SLC25A21: variants seen among roughly 807,000 people sequenced by gnomAD.
SLC25A21 encodes solute carrier family 25 member 21, also known as mitochondrial 2-oxodicarboxylate carrier.
SLC25A21 carries 47 observed loss-of-function variants against 43.8 expected under a neutral mutation model. The ratio of observed to expected loss-of-function variants is 1.07; its 90% confidence interval spans 0.85 to 1.37. The LOEUF (loss-of-function observed/expected upper bound fraction) is 1.37, where lower values mean the gene tolerates loss of function less well. Ranked by LOEUF, SLC25A21 falls within the 40% of genes most tolerant of loss-of-function variation. The pLI is 0.00. For synonymous variants in SLC25A21, 131 were observed against 121.3 expected (o/e 1.08, Z -0.52); for missense variants, 352 against 350.2 (o/e 1.00, Z -0.04).
At chr14:36,806,510 T>TA (rs79939586) in intron 3 of SLC25A21, among the ~76,000 whole-genome samples, 25,168 of 152,124 alleles carry the variant, frequency 0.17, 2,680 homozygotes, top group East Asian at 0.3. Context: ...TATGTCAATT[T>TA]AAAAAATCAA....
chr14:36,839,790 A>G (rs1479058355), intron 2 of SLC25A21, among the ~76,000 whole-genome samples: 2 of 152,350 alleles, frequency 1.3e-5, no homozygotes, highest in East Asian at 3.9e-4. Flanking sequence ...TGCTATAGGG[A>G]ATAGCCTATG....
chr14:36,764,074 A>AAGAGAGAGAGAGAGAGAGAG, intron 3 of SLC25A21, among the ~76,000 whole-genome samples: 1 of 52,296 alleles, frequency 1.9e-5, no homozygotes, highest in Admixed American at 2.8e-4. Context: ...GAAAGAAAGA[A>AAGAGAGAGAGAGAGAGAGAG]AGAAAGAAGG....
At chr14:36,770,320 A>AT (rs1886571226) in intron 3 of SLC25A21, among the ~76,000 whole-genome samples, 1 of 152,210 alleles carries the variant, frequency 6.6e-6, no homozygotes, top group African/African-American at 2.4e-5. Context: ...CTAAATATTT[A>AT]GTACTCATGG....
At chr14:36,841,742 AAC>A (rs1012736529) in intron 2 of SLC25A21, among the ~76,000 whole-genome samples, 3 of 152,226 alleles carry the variant, frequency 2.0e-5, no homozygotes, top group Non-Finnish European at 4.4e-5. Flanking sequence ...ATCAAGGCCA[AAC>A]ACGTGCCGTG....
rs1426984022 is a variant in SLC25A21 at position 36,729,681 on chromosome 14, A to G, written c.271-115T>C. 7 of 822,072 alleles carry G rather than the reference A, an allele frequency of 8.5e-6. No homozygotes were observed. In the East Asian group the frequency reaches 1.4e-4, roughly 16 times the overall value. 50.9% of individuals were successfully genotyped at this position (822,072 alleles called of 1,614,324 possible). On this transcript the variant is annotated intron_variant, in intron 4 of 9. Coordinates refer to ENST00000331299, the MANE Select transcript of SLC25A21 (RefSeq NM_030631.4). Reference sequence around the variant, plus strand: ...GTTAACCAGCATTTCAAAAAATGATAAACTATCTAATACAGTTTTTAATCC... The same window carrying G: ...GTTAACCAGCATTTCAAAAAATGATGAACTATCTAATACAGTTTTTAATCC...
chr14:36,971,817 A>G (rs1242756228), intron 1 of SLC25A21, among the ~76,000 whole-genome samples: 1 of 152,162 alleles, frequency 6.6e-6, no homozygotes, highest in Non-Finnish European at 1.5e-5. Flanking sequence ...CTTCTGAGAG[A>G]TTATTTCCTA....
intron 9 of SLC25A21, 150 bp from the exon 10 acceptor site, chr14:36,680,869 A>AAAC (rs1185534575): frequency 2.0e-6 from 1 of 501,602 alleles, no homozygotes; most frequent in African/African-American, 2.0e-5. Flanking sequence ...ACCAAGATAT[A>AAAC]AACTACTGTG....
chr14:36,780,739 A>G (rs1443165686), intron 3 of SLC25A21, among the ~76,000 whole-genome samples: 2 of 152,020 alleles, frequency 1.3e-5, no homozygotes, highest in African/African-American at 4.8e-5. Flanking sequence ...GTTTTGTGGC[A>G]TAATATATAA....
At chr14:37,130,641 C>T (rs1963376832) in intron 1 of SLC25A21, among the ~76,000 whole-genome samples, 3 of 152,210 alleles carry the variant, frequency 2.0e-5, no homozygotes, top group African/African-American at 7.2e-5. Context: ...TTGCAGCAGC[C>T]TGTGTGCAGT....
chr14:36,755,530 C>T (rs539183883), intron 3 of SLC25A21, among the ~76,000 whole-genome samples: 10 of 152,140 alleles, frequency 6.6e-5, no homozygotes, highest in South Asian at 2.1e-4. Context: ...TGTGCTATGG[C>T]GACAAAGTTC....
At chr14:36,734,615 G>C (rs375002091) in intron 3 of SLC25A21, 42 bp from the exon 4 acceptor site, 2 of 1,445,394 alleles carry the variant, frequency 1.4e-6, no homozygotes, top group African/African-American at 2.8e-5. Context: ...AAGGAAATTA[G>C]GCAACAAGTA....
At chr14:36,779,640 A>ATATATATG (rs1886979324) in intron 3 of SLC25A21, among the ~76,000 whole-genome samples, 1 of 136,954 alleles carries the variant, frequency 7.3e-6, no homozygotes, top group Non-Finnish European at 1.6e-5. Context: ...ATATATATAT[A>ATATATATG]TATGTATACA....
chr14:36,693,021 T>C (rs1218440384), intron 7 of SLC25A21, among the ~76,000 whole-genome samples: 1 of 152,196 alleles, frequency 6.6e-6, no homozygotes, highest in Non-Finnish European at 1.5e-5. Context: ...CACATCACTA[T>C]CACAATAGGT....
At chr14:36,763,049 T>C (rs1035110983) in intron 3 of SLC25A21, among the ~76,000 whole-genome samples, 3 of 152,212 alleles carry the variant, frequency 2.0e-5, no homozygotes, top group Admixed American at 6.5e-5. Flanking sequence ...TAGTTTAAAA[T>C]GCCTGCCTTA....
intron 2 of SLC25A21, among the ~76,000 whole-genome samples, chr14:36,873,389 G>C (rs56080857): frequency 1.3e-5 from 2 of 151,858 alleles, no homozygotes; most frequent in African/African-American, 4.8e-5. Context: ...TCTACCTCCC[G>C]GGTTCAAGTG....
At chr14:37,114,744 C>A (rs1291332800) in intron 1 of SLC25A21, among the ~76,000 whole-genome samples, 1 of 152,088 alleles carries the variant, frequency 6.6e-6, no homozygotes, top group Non-Finnish European at 1.5e-5. Flanking sequence ...AAATGTTTGT[C>A]AGACTCTTCT....
intron 2 of SLC25A21, among the ~76,000 whole-genome samples, chr14:36,854,218 G>A (rs181240833): frequency 1.2e-4 from 18 of 152,242 alleles, no homozygotes; most frequent in Admixed American, 7.8e-4. Context: ...AATGTAAAAC[G>A]TGCATATGAT....
intron 1 of SLC25A21, among the ~76,000 whole-genome samples, chr14:37,000,728 C>T (rs1213304879): frequency 6.6e-6 from 1 of 152,066 alleles, no homozygotes; most frequent in East Asian, 1.9e-4. Flanking sequence ...AGTGGGTTTC[C>T]CCCTTGCTAT....
At chr14:37,016,004 C>T (rs2138746297) in intron 1 of SLC25A21, among the ~76,000 whole-genome samples, 1 of 151,484 alleles carries the variant, frequency 6.6e-6, no homozygotes, top group South Asian at 2.1e-4. Flanking sequence ...CCTGTTCACT[C>T]TGATGGTAGT....
Sources: allele counts gnomAD v4.1 joint callset (sites outside exome capture counted in the v4.1 genomes callset), GRCh38; gene constraint gnomAD v4.1.1; transcripts MANE v1.5; gene names NCBI Gene and HGNC (gene_info 2026-07-23, HGNC 2026-07-21).